The following FYB2 variants were observed in gnomAD, a reference collection of about 807,000 sequenced individuals.
FYB2 encodes FYN binding protein 2, also known as FYN-binding protein 2.
Under a neutral mutation model 94.1 loss-of-function variants are expected in FYB2, and 103 were observed. The ratio of observed to expected loss-of-function variants is 1.09; its 90% CI spans 0.93 to 1.29. The LOEUF (loss-of-function observed/expected upper bound fraction) is 1.29. Among genes scored for constraint, FYB2 ranks in the 50% most tolerant of loss-of-function variants. The probability of loss-of-function intolerance (pLI) is 0.00; values close to 1 mark genes in which losing one functional copy is unlikely to be tolerated. For missense variants in FYB2, 896 were observed against 841.5 expected, an observed-to-expected ratio of 1.06 and a Z score of -0.80; for synonymous variants, 293 against 287.9, an observed-to-expected ratio of 1.02 and a Z score of -0.18.
chr1:56,789,170 T>C (rs573489560), intron 2 of FYB2, 36 bp from the exon 3 acceptor site: 3 of 1,528,562 alleles, frequency 2.0e-6, no homozygotes, highest in Non-Finnish European at 1.8e-6. Context: ...AAGTTATGAT[T>C]ATTTTCATTT....
the FYB2 span, chr1:56,824,915 C>A: frequency 6.6e-6 from 1 of 152,190 alleles, no homozygotes; most frequent in African/African-American, 2.4e-5. Flanking sequence ...GAAGACAAGC[C>A]ATTTGGCCTT....
At position 56,770,828 on chromosome 1, in the gene FYB2, T is replaced by C. The variant is rs541122881; in HGVS notation, c.954-2890A>G. ...ACCCATAGAAAATTGGACGAAAGTA[T>C]ATTCCAGTCATCACTGAAGAGTCAA... is the stretch of plus-strand genomic sequence containing the variant. On this transcript the variant is annotated intron_variant, in intron 4 of 19. Transcript: ENST00000343433. Among the ~76,000 whole-genome samples the C allele has an allele frequency of 2.6e-5, 4 of 152,268 alleles. No individual in the cohort carries two copies. The East Asian group carries it at 7.7e-4, about 29-fold the overall frequency.
intron 1 of FYB2, among the ~76,000 whole-genome samples, chr1:56,796,706 C>G (rs1285981297): frequency 1.3e-5 from 2 of 152,114 alleles, no homozygotes; most frequent in Non-Finnish European, 2.9e-5. Flanking sequence ...CATTGGGCCT[C>G]CCCCCAACAT....
chr1:56,769,415 A>T (rs1645701569), intron 4 of FYB2, among the ~76,000 whole-genome samples: 2 of 152,172 alleles, frequency 1.3e-5, no homozygotes, highest in South Asian at 4.1e-4. Context: ...AATATTTAAA[A>T]AGAAGAGATA....
In FYB2 at chr1:56,723,669, T is replaced by C. The variant is rs1337602425; in HGVS notation, c.1893A>G (p.Arg631=). The change falls in exon 17 of 20, where the codon AGA becomes AGG. Residue 631 remains arginine (R), a synonymous_variant. Transcript: ENST00000343433. The part of the protein sequence containing the change: ...GAEESESFSP[R]NFFKTKKQNL... ...TTTGCTTCTTGGTTTTGAAGAAATTTCTAGGAGAGAAACTAGCAAGAAATG... is the reference window on the plus strand; with the variant it reads ...TTTGCTTCTTGGTTTTGAAGAAATTCCTAGGAGAGAAACTAGCAAGAAATG... The C allele has an allele frequency of 1.3e-5, 20 of 1,555,282 alleles. No homozygotes were observed. Among genetic ancestry groups the C allele is most frequent in the Non-Finnish European group, 1.4e-5 (16 of 1,132,644 alleles).
chr1:56,748,232 C>T (rs537420730), intron 9 of FYB2, among the ~76,000 whole-genome samples: 1 of 152,238 alleles, frequency 6.6e-6, no homozygotes, highest in South Asian at 2.1e-4. Context: ...TTTTGCTGTG[C>T]AGAAGCTCTT....
intron 11 of FYB2, 39 bp from the exon 12 acceptor site, chr1:56,742,260 T>C (rs1331783589): frequency 2.1e-6 from 3 of 1,439,052 alleles, no homozygotes; most frequent in African/African-American, 1.4e-5. Flanking sequence ...TTCATTATAA[T>C]AGCAATAGTT....
intron 15 of FYB2, among the ~76,000 whole-genome samples, chr1:56,730,568 C>A (rs527782879): frequency 1.4e-4 from 21 of 151,880 alleles, no homozygotes; most frequent in Non-Finnish European, 2.6e-4. Context: ...AAATATACAA[C>A]CTACTGAGAT....
intron 1 of FYB2, among the ~76,000 whole-genome samples, chr1:56,795,444 T>G (rs1474943183): frequency 6.6e-6 from 1 of 152,196 alleles, no homozygotes; most frequent in Non-Finnish European, 1.5e-5. Flanking sequence ...TAAACATAGG[T>G]GTACAGATAT....
intron 9 of FYB2, among the ~76,000 whole-genome samples, chr1:56,745,482 G>C (rs574578758): frequency 6.6e-6 from 1 of 151,858 alleles, no homozygotes; most frequent in Non-Finnish European, 1.5e-5. Context: ...AGACATCCTC[G>C]ATTCATTTCT....
intron 1 of FYB2, among the ~76,000 whole-genome samples, chr1:56,797,692 C>A (rs1646431669): frequency 6.6e-6 from 1 of 152,188 alleles, no homozygotes; most frequent in South Asian, 2.1e-4. Flanking sequence ...CTGCCCCATT[C>A]CCTTAGCTCT....
intron 4 of FYB2, among the ~76,000 whole-genome samples, chr1:56,772,815 T>C (rs1164964112): frequency 6.6e-5 from 10 of 152,208 alleles, no homozygotes; most frequent in Non-Finnish European, 5.9e-5. Flanking sequence ...ATTTGCCCTC[T>C]GCACATAGGC....
Position 56,743,057 on chromosome 1 carries a change from A to AT in FYB2, c.1544-837dup, listed in dbSNP as rs200157505. Reference sequence around the variant, plus strand: ...AGTTAATGTATTCATTACCTCACATATTTTTTGTGGTGAGAATTTTAAAAT... The same window carrying AT: ...AGTTAATGTATTCATTACCTCACATATTTTTTTGTGGTGAGAATTTTAAAAT... On this transcript the variant is annotated intron_variant, in intron 11 of 19. Coordinates refer to ENST00000343433, the MANE Select transcript of FYB2 (RefSeq NM_001004303.5). Among the ~76,000 whole-genome samples the AT allele has an allele frequency of 3.4e-4, 52 of 152,140 alleles. 2 individuals carry two copies. The East Asian group carries it at 9.7e-3, about 28-fold the overall frequency.
At chr1:56,796,523 C>T (rs1646401857) in intron 1 of FYB2, among the ~76,000 whole-genome samples, 2 of 152,158 alleles carry the variant, frequency 1.3e-5, no homozygotes. Context: ...TGTAATCCAC[C>T]ATTTACTCAG....
chr1:56,724,933 C>A (rs920937494), intron 16 of FYB2, among the ~76,000 whole-genome samples: 2 of 151,994 alleles, frequency 1.3e-5, no homozygotes, highest in African/African-American at 4.8e-5. Flanking sequence ...TTGCTACTGT[C>A]CTCTTGGTAA....
At chr1:56,814,767 C>T (rs1646842971) in intron 1 of FYB2, among the ~76,000 whole-genome samples, 2 of 152,166 alleles carry the variant, frequency 1.3e-5, no homozygotes, top group African/African-American at 2.4e-5. Context: ...TAGTACAGAT[C>T]CTCTCAGCAG....
chr1:56,779,186 G>T (rs1359845975), intron 4 of FYB2, among the ~76,000 whole-genome samples: 1 of 152,070 alleles, frequency 6.6e-6, no homozygotes, highest in African/African-American at 2.4e-5. Context: ...GTATAAAGAA[G>T]TATAAGGAAG....
At chr1:56,729,335 G>C (rs1341079689) in intron 15 of FYB2, among the ~76,000 whole-genome samples, 2 of 152,062 alleles carry the variant, frequency 1.3e-5, no homozygotes, top group Non-Finnish European at 2.9e-5. Context: ...AGTGGGAACA[G>C]TTTGAGTTAT....
intron 7 of FYB2, among the ~76,000 whole-genome samples, chr1:56,754,478 A>G (rs1167776322): frequency 6.6e-6 from 1 of 152,044 alleles, no homozygotes; most frequent in Non-Finnish European, 1.5e-5. Context: ...TTGTTCTTCC[A>G]TATTGTCTTA....
Sources: gnomAD v4.1 joint callset for allele counts (sites outside exome capture counted in the v4.1 genomes callset) on GRCh38, gnomAD v4.1.1 for gene constraint, MANE v1.5 for transcripts, NCBI Gene and HGNC (gene_info 2026-07-23, HGNC 2026-07-21) for gene names.